The following CA10 variants were observed in gnomAD, a reference collection of about 807,000 sequenced individuals.
The protein encoded by CA10 is carbonic anhydrase-related protein 10.
CA10 carries 14 observed loss-of-function variants against 44.2 expected under a neutral mutation model. The observed-to-expected ratio is 0.32, with a 90% CI of 0.21 to 0.50. CA10 has a LOEUF of 0.50. Among genes scored for constraint, CA10 ranks in the 20% least tolerant of loss-of-function variants. CA10 has a pLI of 0.99. For missense variants in CA10, 350 were observed against 409.7 expected (o/e 0.85, Z 1.26); for synonymous variants, 159 against 141.6 (o/e 1.12, Z -0.87).
chr17:51,666,831 G>A (rs1484858843), intron 4 of CA10, among the ~76,000 whole-genome samples: 1 of 152,134 alleles, frequency 6.6e-6, no homozygotes, highest in African/African-American at 2.4e-5. Context: ...TCCCAACACA[G>A]GCTTCTGAAA....
At chr17:51,702,626 G>C (rs1469486981) in intron 4 of CA10, among the ~76,000 whole-genome samples, 1 of 152,190 alleles carries the variant, frequency 6.6e-6, no homozygotes, top group African/African-American at 2.4e-5. Flanking sequence ...CCCACTGTGT[G>C]CATGGCACTC....
At chr17:51,638,523 G>C (rs1412406760) in intron 6 of CA10, among the ~76,000 whole-genome samples, 1 of 152,220 alleles carries the variant, frequency 6.6e-6, no homozygotes, top group East Asian at 1.9e-4. Context: ...CAAAGCCACA[G>C]TGCCCAGGGC....
intron 2 of CA10, among the ~76,000 whole-genome samples, chr17:51,983,662 A>AGACACCAT (rs1445243275): frequency 2.0e-5 from 3 of 151,860 alleles, no homozygotes; most frequent in Non-Finnish European, 2.9e-5. Context: ...AAACAAAATA[A>AGACACCAT]GACACCATGT....
intron 1 of CA10, among the ~76,000 whole-genome samples, chr17:52,091,295 A>T (rs1988258543): frequency 1.3e-5 from 2 of 152,122 alleles, no homozygotes; most frequent in Non-Finnish European, 2.9e-5. Flanking sequence ...TAGGATAAAA[A>T]TGGTATAAAA....
Position 51,658,423 on chromosome 17 carries a change from C to T in CA10, c.466-4687G>A, listed in dbSNP as rs535686419. On this transcript the variant is annotated intron_variant, in intron 4 of 8. Transcript: ENST00000451037. ...AAGGTAGTAGTGGAAAGAATGGGGG[C>T]GAGGATGCAGAAGTGGGGGCAACAT... Among the ~76,000 whole-genome samples, 48 of 152,140 alleles carry T rather than the reference C, an allele frequency of 3.2e-4. No individual in the cohort carries two copies. In the South Asian group the frequency reaches 7.1e-3, roughly 22 times the overall value.
intron 4 of CA10, among the ~76,000 whole-genome samples, chr17:51,710,921 C>CT (rs55854155): frequency 0.044 from 3,752 of 84,508 alleles, 160 homozygotes; most frequent in Non-Finnish European, 0.048. Context: ...CAACATTTTG[C>CT]TTTTTTTTTT....
intron 1 of CA10, among the ~76,000 whole-genome samples, chr17:52,084,964 C>T (rs1324302525): frequency 1.3e-5 from 2 of 152,188 alleles, no homozygotes; most frequent in African/African-American, 2.4e-5. Flanking sequence ...ATGTGGACAT[C>T]ATAGCTAGAC....
chr17:52,055,505 G>A (rs908075908), intron 2 of CA10, among the ~76,000 whole-genome samples: 5 of 152,090 alleles, frequency 3.3e-5, no homozygotes, highest in South Asian at 2.1e-4. Flanking sequence ...AAAGCCATCA[G>A]TTGATATTAG....
intron 1 of CA10, among the ~76,000 whole-genome samples, chr17:52,115,586 T>C (rs200536417): frequency 4.4e-3 from 3 of 688 alleles, no homozygotes; most frequent in African/African-American, 0.012. Context: ...TTCTTTTACA[T>C]ATTGGGGGGT....
At chr17:52,074,583 A>G (rs1218297259) in intron 1 of CA10, among the ~76,000 whole-genome samples, 1 of 140,578 alleles carries the variant, frequency 7.1e-6, no homozygotes, top group Non-Finnish European at 1.5e-5. Flanking sequence ...GTGTTTCATT[A>G]CCCCAAATAA....
intron 6 of CA10, among the ~76,000 whole-genome samples, chr17:51,641,546 G>A (rs957681072): frequency 1.2e-4 from 18 of 152,194 alleles, no homozygotes; most frequent in Admixed American, 8.5e-4. Flanking sequence ...ATCAATAAGT[G>A]TAGAATATAT....
At position 51,819,620 on chromosome 17, in the gene CA10, C is replaced by T. The variant is rs115696363; in HGVS notation, c.280-71802G>A. Among the ~76,000 whole-genome samples, 1,293 of 152,324 alleles carry T rather than the reference C, an allele frequency of 8.5e-3. 19 individuals carry two copies. The highest frequency in any genetic ancestry group is 0.029 in the African/African-American group (1,223 of 41,572). The stretch of plus-strand genomic sequence containing the variant: ...AAATGTGGTCACCTTCTGAAGTCAC[C>T]TAGCAGATTTGCAGCCTAAAAATAA... On this transcript the variant is annotated intron_variant, in intron 3 of 8. Transcript: ENST00000451037.
At chr17:51,946,693 C>T (rs1368437639) in intron 2 of CA10, among the ~76,000 whole-genome samples, 1 of 152,174 alleles carries the variant, frequency 6.6e-6, no homozygotes, top group South Asian at 2.1e-4. Flanking sequence ...TTCCTCAATG[C>T]TCCTTACATT....
intron 4 of CA10, among the ~76,000 whole-genome samples, chr17:51,656,879 T>C (rs1913814760): frequency 6.6e-6 from 1 of 152,202 alleles, no homozygotes; most frequent in African/African-American, 2.4e-5. Flanking sequence ...TTACCCCTTC[T>C]CCACTTCAAT....
intron 2 of CA10, among the ~76,000 whole-genome samples, chr17:51,945,293 T>G (rs943636088): frequency 6.6e-6 from 1 of 152,038 alleles, no homozygotes; most frequent in African/African-American, 2.4e-5. Flanking sequence ...AGGTCTGAGG[T>G]CCTGGAGCTC....
At chr17:52,134,910 A>T (rs1481999598) in intron 1 of CA10, 1 of 518,990 alleles carries the variant, frequency 1.9e-6, no homozygotes, top group Admixed American at 1.9e-5. Flanking sequence ...TACACAGTTC[A>T]TCAGGCTCTG....
At chr17:51,824,065 A>C (rs1907919583) in intron 3 of CA10, among the ~76,000 whole-genome samples, 1 of 151,068 alleles carries the variant, frequency 6.6e-6, no homozygotes, top group African/African-American at 2.5e-5. Context: ...TGAAAACATC[A>C]TAACAATAGA....
chr17:52,034,914 A>C (rs1349035100), intron 2 of CA10, among the ~76,000 whole-genome samples: 1 of 152,174 alleles, frequency 6.6e-6, no homozygotes, highest in African/African-American at 2.4e-5. Flanking sequence ...AACTAAGGTT[A>C]GGGGAGTAGA....
intron 1 of CA10, among the ~76,000 whole-genome samples, chr17:52,132,906 G>A (rs372413003): frequency 6.6e-6 from 1 of 152,240 alleles, no homozygotes; most frequent in Admixed American, 6.5e-5. Context: ...CAACAGCAAG[G>A]GTACCTTGGA....
Sources: gnomAD v4.1 joint callset for allele counts (sites outside exome capture counted in the v4.1 genomes callset) on GRCh38, gnomAD v4.1.1 for gene constraint, MANE v1.5 for transcripts, NCBI Gene and HGNC (gene_info 2026-07-23, HGNC 2026-07-21) for gene names.